Variants in VWA3A observed in about 807,000 individuals in gnomAD.
VWA3A encodes von Willebrand factor A domain-containing protein 3A.
In VWA3A, 134 loss-of-function variants were observed where a neutral mutation model predicts 160.4. The ratio of observed to expected loss-of-function variants is 0.84; its 90% CI spans 0.73 to 0.96. VWA3A has a LOEUF of 0.96. VWA3A is among the 40% of genes least tolerant of loss of function. The pLI is 0.00. For synonymous variants in VWA3A, 476 were observed against 543.4 expected (o/e 0.88, Z 1.72); for missense variants, 1,310 against 1,447.9 (o/e 0.90, Z 1.55).
chr16:22,140,080 T>G (rs1367172928), intron 22 of VWA3A, 74 bp from the exon 23 acceptor site: 8 of 1,456,056 alleles, frequency 5.5e-6, no homozygotes, highest in Admixed American at 3.8e-5. Flanking sequence ...ATTGACAAAT[T>G]GAGGTCAGGG....
chr16:22,117,555 A>G (rs2045668500), intron 11 of VWA3A, among the ~76,000 whole-genome samples: 1 of 152,186 alleles, frequency 6.6e-6, no homozygotes, highest in African/African-American at 2.4e-5. Context: ...TTTCTCTCCT[A>G]GATCAACTCC....
rs373477727 is a variant in VWA3A, at chr16:22,144,429, C to G, written c.2730+45C>G. 9 of 1,604,748 alleles carry G rather than the reference C, an allele frequency of 5.6e-6. No individual in the cohort carries two copies. The African/African-American group carries it at 1.1e-4, about 19-fold the overall frequency. On this transcript the variant is annotated intron_variant, in intron 26 of 33. Coordinates refer to ENST00000389398, the MANE Select transcript of VWA3A (RefSeq NM_173615.5). The stretch of plus-strand genomic sequence containing the variant: ...ATCGTCTTTTTTTTCTCCCCCAACT[C>G]AGCTGCAAATGGCAGAGAGCAGTGT...
chr16:22,102,404 T>C (rs956414918), intron 5 of VWA3A, among the ~76,000 whole-genome samples: 3 of 152,120 alleles, frequency 2.0e-5, no homozygotes, highest in Admixed American at 6.5e-5. Flanking sequence ...GCTCTATTCA[T>C]AACTCATGTA....
At chr16:22,134,251 G>T in intron 20 of VWA3A, 117 bp from the exon 21 acceptor site, 1 of 764,112 alleles carries the variant, frequency 1.3e-6, no homozygotes, top group East Asian at 2.8e-5. Context: ...ACAGGAGTAA[G>T]CCACCATTCC....
chr16:22,128,990 C>T (rs2045900116), intron 17 of VWA3A, among the ~76,000 whole-genome samples: 2 of 152,094 alleles, frequency 1.3e-5, no homozygotes, highest in East Asian at 1.9e-4. Context: ...GGCTTAATAC[C>T]TGGGTGATGA....
chr16:22,147,799 C>T (rs2046280695), intron 27 of VWA3A, among the ~76,000 whole-genome samples: 1 of 152,152 alleles, frequency 6.6e-6, no homozygotes, highest in Admixed American at 6.5e-5. Context: ...CAGTACACAC[C>T]CAAACACCAT....
chr16:22,144,546 T>A (rs189945461), intron 26 of VWA3A, among the ~76,000 whole-genome samples, 162 bp downstream of exon 26: 3 of 152,216 alleles, frequency 2.0e-5, no homozygotes, highest in Admixed American at 6.5e-5. Flanking sequence ...AAAATCCTGT[T>A]GGAAGAAAAG....
At position 22,138,504 on chromosome 16, in the gene VWA3A, G is replaced by A; in HGVS notation, c.2284G>A (p.Ala762Thr). ...CPPRPTVPLG[A>T]RMSIKDDPDR... is the part of the protein sequence containing the mutation. ...TCCCAGGCCCACCGTCCCCCTGGGG[G>A]CCAGAATGGTTTGACTCCCCTCCTA... is the stretch of plus-strand genomic sequence containing the variant. Residue 762 changes from alanine to threonine, a missense_variant, in exon 22 of 34, where the codon GCC becomes ACC. Transcript: ENST00000389398. 1 of 1,613,882 alleles carries A rather than the reference G, an allele frequency of 6.2e-7. No homozygotes were observed. The highest frequency in any genetic ancestry group is 2.2e-5 in the East Asian group (1 of 44,886).
chr16:22,124,017 A>C (rs2045795180), intron 16 of VWA3A, among the ~76,000 whole-genome samples: 1 of 151,974 alleles, frequency 6.6e-6, no homozygotes, highest in Non-Finnish European at 1.5e-5. Flanking sequence ...TCTACAAAAA[A>C]TAAAATAATT....
Position 22,110,916 on chromosome 16 carries a change from A to C in VWA3A, c.611A>C (p.Lys204Thr). 6.2e-7 allele frequency: 1 copy of C among 1,609,798 alleles called. No homozygotes were observed. The highest frequency in any genetic ancestry group is 1.1e-5 in the South Asian group (1 of 89,758). Residue 204 changes from lysine (K) to threonine (T), a missense_variant, in exon 8 of 34, where the codon AAG (lysine) becomes ACG (threonine). Physicochemically the swap from Lys to Thr is moderately conservative, Grantham distance 78. Coordinates refer to ENST00000389398, the MANE Select transcript of VWA3A (RefSeq NM_173615.5). ...MSLIDEQLSHKEKLFVLSFGT... is the reference protein window; with the variant it reads ...MSLIDEQLSHTEKLFVLSFGT... Reference sequence around the variant, plus strand: ...CTCATCGATGAGCAGCTGAGCCACAAGGAGAAGCTGTTTGTCCTGTCCTTT... The same window carrying C: ...CTCATCGATGAGCAGCTGAGCCACACGGAGAAGCTGTTTGTCCTGTCCTTT...
At chr16:22,092,683 G>T (rs1901371652) in intron 1 of VWA3A, 32 bp downstream of exon 1, 1 of 1,550,416 alleles carries the variant, frequency 6.4e-7, no homozygotes. Flanking sequence ...GTTGACAGGG[G>T]TGGTGAGAGG....
chr16:22,103,325 T>C (rs1430611923), intron 5 of VWA3A, 150 bp from the exon 6 acceptor site: 4 of 675,478 alleles, frequency 5.9e-6, no homozygotes, highest in Non-Finnish European at 7.4e-6. Context: ...TGCACTACAG[T>C]GCACCTAAAA....
Position 22,121,556 on chromosome 16 carries a change from T to A in VWA3A, c.1295T>A (p.Phe432Tyr). 1 of 1,613,826 alleles carries A rather than the reference T, an allele frequency of 6.2e-7. No homozygotes were observed. The highest frequency in any genetic ancestry group is 8.5e-7 in the Non-Finnish European group (1 of 1,179,818). ...TATCAGGTCCTGGCACCCAATGCATTCTCTCCTGTGGAGGAATTTGTACCT... is the reference window on the plus strand; with the variant it reads ...TATCAGGTCCTGGCACCCAATGCATACTCTCCTGTGGAGGAATTTGTACCT... ...SLYQVLAPNAFSPVEEFVPIL... is the reference protein window; with the variant it reads ...SLYQVLAPNAYSPVEEFVPIL... Residue 432 changes from phenylalanine (F) to tyrosine (Y), a missense_variant, in exon 14 of 34, where the codon TTC becomes TAC. Coordinates refer to ENST00000389398, the MANE Select transcript of VWA3A (RefSeq NM_173615.5).
At chr16:22,137,099 A>ATAAATAAG (rs1555459655) in intron 21 of VWA3A, among the ~76,000 whole-genome samples, 17 of 135,236 alleles carry the variant, frequency 1.3e-4, no homozygotes, top group African/African-American at 4.9e-4. Flanking sequence ...AAATAAATAA[A>ATAAATAAG]TAAGTAAGTA....
chr16:22,116,273 AAAAG>A, intron 9 of VWA3A: 1 of 414,914 alleles, frequency 2.4e-6, no homozygotes, highest in Non-Finnish European at 4.6e-6. Flanking sequence ...AAAGAAAAAG[AAAAG>A]AAGAAGGAAG....
In VWA3A at chr16:22,115,377, G is replaced by A. The variant is rs780910522; in HGVS notation, c.720G>A (p.Thr240=). 1.5e-5 allele frequency: 24 copies of A among 1,600,342 alleles called. No individual in the cohort carries two copies. The highest frequency in any genetic ancestry group is 2.0e-5 in the Non-Finnish European group (23 of 1,173,308). The change falls in exon 9 of 34, where the codon ACG becomes ACA. Residue 240 remains threonine (T), a synonymous_variant. Transcript: ENST00000389398. ...TLQELKLWVK[T]LQPDGGSNLL... ...AGGAACTTAAGCTCTGGGTAAAGAC[G>A]CTGCAGCCTGATGGAGGCAGCAACC...
chr16:22,146,512 C>A (rs775097077), intron 27 of VWA3A, among the ~76,000 whole-genome samples, 168 bp downstream of exon 27: 2 of 151,976 alleles, frequency 1.3e-5, no homozygotes, highest in African/African-American at 4.8e-5. Context: ...GGAGGCCGGG[C>A]GTGGTGGCTC....
intron 17 of VWA3A, among the ~76,000 whole-genome samples, chr16:22,130,204 G>T (rs899228331): frequency 6.6e-6 from 1 of 152,148 alleles, no homozygotes; most frequent in South Asian, 2.1e-4. Flanking sequence ...CCCCAGGGTG[G>T]AAGTTTGACT....
chr16:22,097,527 A>G, intron 2 of VWA3A, 45 bp from the exon 3 acceptor site: 2 of 1,546,972 alleles, frequency 1.3e-6, no homozygotes, highest in Non-Finnish European at 8.7e-7. Context: ...TATCAAACCT[A>G]TGCCCAGTGC....
Sources: gnomAD v4.1 joint callset for allele counts (sites outside exome capture counted in the v4.1 genomes callset) on GRCh38, gnomAD v4.1.1 for gene constraint, MANE v1.5 for transcripts, NCBI Gene and HGNC (gene_info 2026-07-23, HGNC 2026-07-21) for gene names.